NUSAP1: variants seen among roughly 807,000 people sequenced by gnomAD.
NUSAP1 encodes the protein nucleolar and spindle associated protein 1, also known as nucleolar and spindle-associated protein 1.
Under a neutral mutation model 52.8 loss-of-function variants are expected in NUSAP1, and 32 were observed. The ratio of observed to expected loss-of-function variants is 0.61; its 90% CI spans 0.46 to 0.81. The LOEUF is 0.81. Among genes scored for constraint, NUSAP1 ranks in the 40% least tolerant of loss-of-function variants. The pLI, the probability that NUSAP1 is intolerant of heterozygous loss-of-function variation, is 0.00. For synonymous variants in NUSAP1, 195 were observed against 183.1 expected (o/e 1.06, Z -0.52); for missense variants, 499 against 522.3 (o/e 0.96, Z 0.43).
Position 41,375,812 on chromosome 15 carries a change from C to T in NUSAP1, c.1107C>T (p.Asn369=). 1.2e-6 allele frequency: 2 copies of T among 1,609,176 alleles called. No homozygotes were observed. Among genetic ancestry groups the T allele is most frequent in the Non-Finnish European group, 1.7e-6 (2 of 1,175,510 alleles). ...DLKASLSRPL[N]YEPHKGKLKP... ...AAGCAAGTTTGTCTCGTCCCCTCAA[C>T]TATGAACCACACAAAGGTATGTGGG... is the stretch of plus-strand genomic sequence containing the variant. The change falls in exon 9 of 11, where the codon AAC becomes AAT. Residue 369 remains asparagine, a synonymous_variant. Coordinates refer to ENST00000559596, the MANE Select transcript of NUSAP1 (RefSeq NM_016359.5).
Position 41,334,002 on chromosome 15 carries a change from A to T in NUSAP1, c.93+952A>T, listed in dbSNP as rs183757992. On this transcript the variant is annotated intron_variant, in intron 1 of 10. Transcript: ENST00000559596. ...TAGCGGTTTTATATATTTTGTTAATAGTTGAGACTTCCCACATAATACTGC... is the reference window on the plus strand; with the variant it reads ...TAGCGGTTTTATATATTTTGTTAATTGTTGAGACTTCCCACATAATACTGC... Among the ~76,000 whole-genome samples, 17 of 152,354 alleles carry T rather than the reference A, an allele frequency of 1.1e-4. No homozygotes were observed. In the East Asian group the frequency reaches 3.3e-3, roughly 29 times the overall value.
At chr15:41,362,411 T>C (rs1003245032) in intron 6 of NUSAP1, among the ~76,000 whole-genome samples, 1 of 146,420 alleles carries the variant, frequency 6.8e-6, no homozygotes, top group African/African-American at 2.6e-5. Flanking sequence ...TACTTTTCTA[T>C]TGTTTATCTT....
intron 5 of NUSAP1, among the ~76,000 whole-genome samples, chr15:41,357,588 C>T (rs561413361): frequency 9.5e-4 from 144 of 151,768 alleles, no homozygotes; most frequent in African/African-American, 3.4e-3. Context: ...GGATTACAGG[C>T]GTGCGCCACC....
At position 41,375,713 on chromosome 15, in the gene NUSAP1, TA is replaced by T. The variant is rs1567077071; in HGVS notation, c.1009del (p.Ile337LeufsTer6). On this transcript the variant is annotated frameshift_variant and splice_region_variant, in exon 9 of 11. Coordinates refer to ENST00000559596, the MANE Select transcript of NUSAP1 (RefSeq NM_016359.5). LOFTEE classifies it high-confidence loss of function. ...KTITGNSAAV[I>X]TPFKLTTEAT... Reference sequence around the variant, plus strand: ...TGGGTTTTTTCGGTGTGTTTTTAGTTATTACCCCATTCAAGTTGACAACTGA... The same window carrying T: ...TGGGTTTTTTCGGTGTGTTTTTAGTTTTACCCCATTCAAGTTGACAACTGA... The T allele has an allele frequency of 7.5e-6, 12 of 1,601,270 alleles. No homozygotes were observed. Among genetic ancestry groups the T allele is most frequent in the Non-Finnish European group, 1.0e-5 (12 of 1,168,352 alleles).
At chr15:41,377,647 C>T (rs1163974815) in intron 10 of NUSAP1, among the ~76,000 whole-genome samples, 29 of 147,240 alleles carry the variant, frequency 2.0e-4, no homozygotes, top group Admixed American at 4.8e-4. Flanking sequence ...TGCAGTGAGC[C>T]GAGATCGCGC....
chr15:41,339,655 C>T (rs2048306247), intron 1 of NUSAP1, among the ~76,000 whole-genome samples: 1 of 152,150 alleles, frequency 6.6e-6, no homozygotes, highest in South Asian at 2.1e-4. Context: ...GGTGATCTGA[C>T]TGCCTCAGGC....
At chr15:41,345,730 T>G in intron 2 of NUSAP1, 1 of 248,966 alleles carries the variant, frequency 4.0e-6, no homozygotes, top group Non-Finnish European at 7.9e-6. Flanking sequence ...AGTGCTGGGA[T>G]TCCAGGGGTG....
chr15:41,342,917 G>C (rs74012273), intron 2 of NUSAP1, among the ~76,000 whole-genome samples: 3,161 of 152,224 alleles, frequency 0.021, 89 homozygotes, highest in African/African-American at 0.065. Context: ...AATCCTTTCA[G>C]ATTAACTATC....
intron 5 of NUSAP1, among the ~76,000 whole-genome samples, chr15:41,357,250 C>A (rs577539939): frequency 5.5e-4 from 83 of 151,902 alleles, no homozygotes; most frequent in African/African-American, 1.9e-3. Context: ...TGCCTTTAAC[C>A]CCAGCTACTT....
chr15:41,336,835 T>C (rs2048169651), intron 1 of NUSAP1, among the ~76,000 whole-genome samples: 1 of 151,228 alleles, frequency 6.6e-6, no homozygotes, highest in Non-Finnish European at 1.5e-5. Context: ...GTCATGAACT[T>C]TCCTACTTTT....
intron 10 of NUSAP1, among the ~76,000 whole-genome samples, chr15:41,377,724 G>A (rs1188305869): frequency 2.7e-5 from 4 of 149,168 alleles, no homozygotes; most frequent in Admixed American, 6.8e-5. Flanking sequence ...GGTATCATGG[G>A]CCAGGCACGG....
chr15:41,346,828 A>AAAAT (rs71431808), intron 2 of NUSAP1, among the ~76,000 whole-genome samples: 78 of 130,320 alleles, frequency 6.0e-4, no homozygotes, highest in East Asian at 1.6e-3. Context: ...CCCCGTCTCA[A>AAAAT]AAATAAATAA....
intron 1 of NUSAP1, among the ~76,000 whole-genome samples, chr15:41,333,508 T>C (rs2047999900): frequency 6.6e-6 from 1 of 151,730 alleles, no homozygotes; most frequent in South Asian, 2.1e-4. Context: ...GATGGACCTG[T>C]CAGAAAAAAA....
At chr15:41,345,732 C>G (rs995906082) in intron 2 of NUSAP1, 1 of 245,650 alleles carries the variant, frequency 4.1e-6, no homozygotes. Flanking sequence ...TGCTGGGATT[C>G]CAGGGGTGAG....
rs188792961 is a variant in NUSAP1 at position 41,350,728 on chromosome 15, T to C, written c.307-260T>C. Among the ~76,000 whole-genome samples the C allele has an allele frequency of 1.2e-3, 181 of 152,334 alleles. 2 individuals carry two copies. The South Asian group carries it at 0.03, about 25-fold the overall frequency. On this transcript the variant is annotated intron_variant, in intron 3 of 10. Transcript: ENST00000559596. ...GTAGTCACTTGCTCAGTAGACTGTC[T>C]AGGTTTCTTCATTTGTCCTTGCTAA...
intron 2 of NUSAP1, chr15:41,342,996 C>G (rs1334251065): frequency 6.6e-6 from 1 of 152,370 alleles, no homozygotes; most frequent in Non-Finnish European, 1.5e-5. Context: ...TACACAGATA[C>G]AAAGGCTGAG....
chr15:41,344,946 A>G (rs1301914977), intron 2 of NUSAP1, among the ~76,000 whole-genome samples: 1 of 151,884 alleles, frequency 6.6e-6, no homozygotes, highest in Non-Finnish European at 1.5e-5. Flanking sequence ...GTCTCCGAAA[A>G]AAAGAAAAAA....
intron 9 of NUSAP1, among the ~76,000 whole-genome samples, chr15:41,376,592 G>A (rs1054679698): frequency 2.0e-5 from 3 of 151,658 alleles, no homozygotes; most frequent in Non-Finnish European, 4.4e-5. Context: ...TCGGGAGGCT[G>A]AGGTGGGAGA....
rs1355006699 is a variant in NUSAP1, at chr15:41,375,904, A to C, written c.1123+76A>C. 1.4e-5 allele frequency: 14 copies of C among 973,138 alleles called. No individual in the cohort carries two copies. The East Asian group carries it at 3.2e-4, about 22-fold the overall frequency. The allele number at this position is 973,138 out of a possible 1,614,324, so 60.3% of individuals were successfully genotyped here. A position where few individuals can be genotyped will look rare whatever the true frequency, so the allele number is the denominator to read the frequency against. ...TGGGACGCAGTGGCTCACACCTACT[A>C]AACATACAAAAATTAGCCAGGCGTG... On this transcript the variant is annotated intron_variant, in intron 9 of 10. Coordinates refer to ENST00000559596, the MANE Select transcript of NUSAP1 (RefSeq NM_016359.5).
Sources: gnomAD v4.1 joint callset for allele counts (sites outside exome capture counted in the v4.1 genomes callset) on GRCh38, gnomAD v4.1.1 for gene constraint, MANE v1.5 for transcripts, NCBI Gene and HGNC (gene_info 2026-07-23, HGNC 2026-07-21) for gene names.